SHC1: variants seen among roughly 807,000 people sequenced by gnomAD.
The protein encoded by SHC1 is SHC-transforming protein 1.
A neutral mutation model predicts 55.9 loss-of-function variants in SHC1; 30 were observed. That is an observed-to-expected ratio of 0.54 (90% CI 0.40 to 0.73). The LOEUF is 0.73. Among genes scored for constraint, SHC1 ranks in the 30% least tolerant of loss-of-function variants. The pLI is 0.00. For synonymous variants in SHC1, 309 were observed against 306.1 expected, an observed-to-expected ratio of 1.01 and a Z score of -0.10; for missense variants, 675 against 777.1, an observed-to-expected ratio of 0.87 and a Z score of 1.56.
Position 154,969,329 on chromosome 1 carries a change from T to C in SHC1, c.566+49A>G, listed in dbSNP as rs754948403. 4.6e-6 allele frequency: 6 copies of C among 1,308,810 alleles called. No individual in the cohort carries two copies. In the Admixed American group the frequency reaches 1.1e-4, roughly 23 times the overall value. The allele number at this position is 1,308,810 out of a possible 1,614,324, so 81.1% of individuals were successfully genotyped here. Reference sequence around the variant, plus strand: ...ACCCACTCCCCTCCTCTGTTTCCCATGGCCTCACTAATCCCAGGACTCCCA... The same window carrying C: ...ACCCACTCCCCTCCTCTGTTTCCCACGGCCTCACTAATCCCAGGACTCCCA... On this transcript the variant is annotated intron_variant, in intron 2 of 11. Transcript: ENST00000448116.
At position 154,970,386 on chromosome 1, in the gene SHC1, A is replaced by G; in HGVS notation, c.141T>C (p.Pro47=). 6.2e-7 allele frequency: 1 copy of G among 1,603,106 alleles called. No homozygotes were observed. Among genetic ancestry groups the G allele is most frequent in the Non-Finnish European group, 8.5e-7 (1 of 1,175,190 alleles). ...TGGGACTATCGTCCCCAGGCAGAGGAGGCAGGATGGGCCCCAGGGATGAAG... is the reference window on the plus strand; with the variant it reads ...TGGGACTATCGTCCCCAGGCAGAGGGGGCAGGATGGGCCCCAGGGATGAAG... ...PSASSLGPIL[P]PLPGDDSPTT... is the part of the protein sequence containing the mutation. The change falls in exon 1 of 12, where the codon CCT becomes CCC. Residue 47 remains proline, a synonymous_variant. Coordinates refer to ENST00000448116, the MANE Select transcript of SHC1 (RefSeq NM_001130040.2). This position sits in a 1 kb window ranked among gnomAD's most constrained non-coding sequence, Gnocchi z 5.5.
At chr1:154,966,895 G>T (rs765249362) in intron 7 of SHC1, among the ~76,000 whole-genome samples, 2 of 152,206 alleles carry the variant, frequency 1.3e-5, no homozygotes, top group Non-Finnish European at 2.9e-5. Context: ...TTGAGCCTAG[G>T]AGTTCAAGAC....
chr1:154,962,968 C>A lies in SHC1; in HGVS notation c.*835G>T, dbSNP rs1180504781. On this transcript the variant is annotated 3_prime_UTR_variant, in exon 12 of 12. Coordinates refer to ENST00000448116, the MANE Select transcript of SHC1 (RefSeq NM_001130040.2). ...GAGGCCCAAATTCAGTCACCCCCAC[C>A]CCGCCCTCCCAGAAAGGGAGGCAGG... 1 of 152,774 alleles carries A rather than the reference C, an allele frequency of 6.5e-6. No individual in the cohort carries two copies. The highest frequency in any genetic ancestry group is 1.5e-5 in the Non-Finnish European group (1 of 68,096). The allele number at this position is 152,774 out of a possible 1,614,324, so 9.5% of individuals were successfully genotyped here. A position where few individuals can be genotyped will look rare whatever the true frequency, so the allele number is the denominator to read the frequency against.
At chr1:154,972,266 T>TC (rs140450851), upstream of SHC1, among the ~76,000 whole-genome samples, 9 of 151,232 alleles carry the variant, frequency 6.0e-5, no homozygotes, top group Non-Finnish European at 1.0e-4. Flanking sequence ...AAATACGTAT[T>TC]CCCCCCAGCT....
Position 154,970,304 on chromosome 1 carries a change from C to G in SHC1, c.223G>C (p.Gly75Arg), listed in dbSNP as rs1298992597. The G allele has an allele frequency of 4.4e-6, 7 of 1,604,640 alleles. No individual in the cohort carries two copies. Among genetic ancestry groups the G allele is most frequent in the Non-Finnish European group, 6.0e-6 (7 of 1,174,580 alleles). Residue 75 changes from glycine (G) to arginine (R), a missense_variant, in exon 1 of 12, where the codon GGG (glycine) becomes CGG (arginine). Gly to Arg is a moderately radical substitution (Grantham distance 125). Coordinates refer to ENST00000448116, the MANE Select transcript of SHC1 (RefSeq NM_001130040.2). The surrounding 1 kb of genome is among the most constrained non-coding windows in gnomAD (Gnocchi z 5.5). ...TCCCCCTTAGACCCTGGGCGCCCCCCAGCCGGGTTGGCCAGCCTCAGGTTG... is the reference window on the plus strand; with the variant it reads ...TCCCCCTTAGACCCTGGGCGCCCCCGAGCCGGGTTGGCCAGCCTCAGGTTG... Reference protein sequence around the residue: ...MSNLRLANPAGGRPGSKGEPG... With the variant: ...MSNLRLANPARGRPGSKGEPG...
At chr1:154,966,846 T>A (rs1656050539) in intron 7 of SHC1, among the ~76,000 whole-genome samples, 1 of 152,214 alleles carries the variant, frequency 6.6e-6, no homozygotes, top group Admixed American at 6.5e-5. Context: ...CTCACGCCTA[T>A]AATCCCAACA....
At chr1:154,970,841 C>T (rs1656670861), upstream of SHC1, 1 of 239,772 alleles carries the variant, frequency 4.2e-6, no homozygotes, top group East Asian at 9.3e-5. This position sits in a 1 kb window ranked among gnomAD's most constrained non-coding sequence, Gnocchi z 5.5. Context: ...ACAGTGCTGA[C>T]TCACAGGCTC....
chr1:154,970,397 G>T lies in SHC1; in HGVS notation c.130C>A (p.Pro44Thr), dbSNP rs1656605405. 1.1e-5 allele frequency: 17 copies of T among 1,603,300 alleles called. No individual in the cohort carries two copies. The East Asian group carries it at 3.8e-4, about 36-fold the overall frequency. Residue 44 changes from proline to threonine, a missense_variant, in exon 1 of 12, where the codon CCC becomes ACC. This residue lies in a region of SHC1 where 156 missense variants were observed against 159.1 expected (regional missense o/e 0.98). Coordinates refer to ENST00000448116, the MANE Select transcript of SHC1 (RefSeq NM_001130040.2). The surrounding 1 kb of genome is among the most constrained non-coding windows in gnomAD (Gnocchi z 5.5). ...LPSPSASSLG[P>T]ILPPLPGDDS... ...TCCCCAGGCAGAGGAGGCAGGATGG[G>T]CCCCAGGGATGAAGCTGATGGGGAA...
At position 154,970,472 on chromosome 1, in the gene SHC1, A is replaced by T; in HGVS notation, c.55T>A (p.Ser19Thr). Residue 19 changes from serine to threonine, a missense_variant, in exon 1 of 12, where the codon TCA (serine) becomes ACA (threonine). Transcript: ENST00000448116. The surrounding 1 kb of genome is among the most constrained non-coding windows in gnomAD (Gnocchi z 5.5). ...CCAGAAGCCCCTTCCTCCAGCGATGACAGAGACTCATTCCGGAGTGGATTG... is the reference window on the plus strand; with the variant it reads ...CCAGAAGCCCCTTCCTCCAGCGATGTCAGAGACTCATTCCGGAGTGGATTG... ...KYNPLRNESLSSLEEGASGST... is the reference protein window; with the variant it reads ...KYNPLRNESLTSLEEGASGST... The T allele has an allele frequency of 6.2e-7, 1 of 1,612,092 alleles. No individual in the cohort carries two copies. The highest frequency in any genetic ancestry group is 8.5e-7 in the Non-Finnish European group (1 of 1,179,492).
chr1:154,970,700 CCAGA>C lies in SHC1; in HGVS notation c.-178_-175del. 5.5e-6 allele frequency: 3 copies of C among 542,378 alleles called. No homozygotes were observed. Among genetic ancestry groups the C allele is most frequent in the South Asian group, 4.8e-5 (2 of 41,314 alleles). 33.6% of individuals were successfully genotyped at this position (542,378 alleles called of 1,614,324 possible). On this transcript the variant is annotated 5_prime_UTR_variant, in exon 1 of 12. The change abolishes the stop of an existing upstream ORF in the 5' untranslated region. Coordinates refer to ENST00000448116, the MANE Select transcript of SHC1 (RefSeq NM_001130040.2). This position sits in a 1 kb window ranked among gnomAD's most constrained non-coding sequence, Gnocchi z 5.5. ...GTGGCTTCCGCTCCCCAGCTCAGAC[CCAGA>C]CAGTTTCAGGCCCCATCCCCGCCCA... is the stretch of plus-strand genomic sequence containing the variant.
chr1:154,973,127 G>C (rs1346599865), upstream of SHC1, among the ~76,000 whole-genome samples: 1 of 152,092 alleles, frequency 6.6e-6, no homozygotes, highest in African/African-American at 2.4e-5. Context: ...AGTGAGGCTG[G>C]GAGTCTGAGG....
Position 154,966,169 on chromosome 1 carries a change from G to C in SHC1, c.1245C>G (p.Pro415=). The change falls in exon 9 of 12, where the codon CCC becomes CCG. Residue 415 remains proline, a synonymous_variant. Coordinates refer to ENST00000448116, the MANE Select transcript of SHC1 (RefSeq NM_001130040.2). ...TCTCGGCTCCCTTCATACCTGGACA[G>C]GGTGGTGGAGGTGGCATCTGTTTGC... ...EVRKQMPPPP[P]CPAGRELFDD... 1 of 1,614,162 alleles carries C rather than the reference G, an allele frequency of 6.2e-7. No individual in the cohort carries two copies. The highest frequency in any genetic ancestry group is 8.5e-7 in the Non-Finnish European group (1 of 1,180,010).
chr1:154,965,319 G>A, intron 11 of SHC1: 3 of 1,432,618 alleles, frequency 2.1e-6, no homozygotes, highest in Non-Finnish European at 2.8e-6. Context: ...TTACAGGTGT[G>A]AGCCACCACG....
upstream of SHC1, among the ~76,000 whole-genome samples, chr1:154,971,470 C>T (rs968669713): frequency 6.6e-6 from 1 of 152,194 alleles, no homozygotes; most frequent in African/African-American, 2.4e-5. Context: ...TTGTTCTCTA[C>T]GTATGCCATC....
chr1:154,970,239 C>T lies in SHC1; in HGVS notation c.288G>A (p.Gly96=), dbSNP rs776563379. The T allele has an allele frequency of 1.2e-6, 2 of 1,612,500 alleles. No individual in the cohort carries two copies. Among genetic ancestry groups the T allele is most frequent in the African/African-American group, 2.7e-5 (2 of 74,930 alleles). The change falls in exon 1 of 12, where the codon GGG becomes GGA. Residue 96 remains glycine, a synonymous_variant. Coordinates refer to ENST00000448116, the MANE Select transcript of SHC1 (RefSeq NM_001130040.2). The surrounding 1 kb of genome is among the most constrained non-coding windows in gnomAD (Gnocchi z 5.5). ...RAADDGEGIV[G]AAMPDSGPLP... is the part of the protein sequence containing the mutation. ...GGGGGCCTGAGTCTGGCATGGCTGCCCCTACGATCCCCTCCCCATCATCAG... is the reference window on the plus strand; with the variant it reads ...GGGGGCCTGAGTCTGGCATGGCTGCTCCTACGATCCCCTCCCCATCATCAG...
At chr1:154,968,404 C>T (rs1656287796) in intron 4 of SHC1, 91 bp downstream of exon 4, 2 of 1,582,070 alleles carry the variant, frequency 1.3e-6, no homozygotes, top group East Asian at 2.2e-5. Context: ...CTCCTGCTCT[C>T]AAGCCCTCTT....
At chr1:154,964,569 G>A (rs1162892240) in intron 11 of SHC1, among the ~76,000 whole-genome samples, 1 of 151,944 alleles carries the variant, frequency 6.6e-6, no homozygotes, top group Non-Finnish European at 1.5e-5. Flanking sequence ...CTGTAACCTC[G>A]AACTCCTGGG....
chr1:154,963,444 G>T lies in SHC1; in HGVS notation c.*359C>A. On this transcript the variant is annotated 3_prime_UTR_variant, in exon 12 of 12. Transcript: ENST00000448116. ...ACCCTGAAGCCCAGAGGTGTGATTT[G>T]TTCCCCCTTGCCCAGAAGGGTGACT... 4.6e-6 allele frequency: 1 copy of T among 219,452 alleles called. No homozygotes were observed. Among genetic ancestry groups the T allele is most frequent in the Non-Finnish European group, 9.4e-6 (1 of 106,806 alleles). The allele number at this position is 219,452 out of a possible 1,614,324, so 13.6% of individuals were successfully genotyped here.
At chr1:154,972,712 G>C (rs905370064), upstream of SHC1, among the ~76,000 whole-genome samples, 2 of 152,188 alleles carry the variant, frequency 1.3e-5, no homozygotes, top group African/African-American at 4.8e-5. Context: ...CCAGGTGATT[G>C]GGTGTAGGGG....
Sources: gnomAD v4.1 joint callset for allele counts (sites outside exome capture counted in the v4.1 genomes callset) on GRCh38, gnomAD v4.1.1 for gene constraint, gnomAD v4.1.1 regional missense constraint, Gnocchi (gnomAD v3.1) non-coding constraint, MANE v1.5 for transcripts, NCBI Gene and HGNC (gene_info 2026-07-23, HGNC 2026-07-21) for gene names.